METRNL: variants seen among roughly 807,000 people sequenced by gnomAD.
METRNL encodes meteorin-like protein.
In METRNL, 9 loss-of-function variants were observed where a neutral mutation model predicts 17.4. That is an observed-to-expected ratio of 0.52 (90% CI 0.31 to 0.90). The LOEUF is 0.90. Among genes scored for constraint, METRNL ranks in the 40% least tolerant of loss-of-function variants. METRNL has a pLI of 0.05. For missense variants in METRNL, 408 were observed against 430.7 expected (o/e 0.95, Z 0.47); for synonymous variants, 215 against 199.3 (o/e 1.08, Z -0.66).
chr17:83,092,346 C>G (rs1304837534), intron 2 of METRNL: 1 of 152,302 alleles, frequency 6.6e-6, no homozygotes, highest in Admixed American at 6.5e-5. Context: ...GAATCTTGGC[C>G]TCGCTGGCCC....
At position 83,079,946 on chromosome 17, in the gene METRNL, G is replaced by A; in HGVS notation, c.131G>A (p.Gly44Asp). 9.9e-7 allele frequency: 1 copy of A among 1,014,134 alleles called. No homozygotes were observed. The highest frequency in any genetic ancestry group is 1.2e-6 in the Non-Finnish European group (1 of 850,276). 62.8% of individuals were successfully genotyped at this position (1,014,134 alleles called of 1,614,324 possible). Residue 44 changes from glycine (G) to aspartate (D), a missense_variant, in exon 1 of 4, where the codon GGC (glycine) becomes GAC (aspartate). Physicochemically the swap from Gly to Asp is moderately conservative, Grantham distance 94. Coordinates refer to ENST00000320095, the MANE Select transcript of METRNL (RefSeq NM_001004431.3). ...LLLAGLLGGA[G>D]AQYSSDRCSW... ...CTGGCCGGGCTGCTGGGCGGCGCGG[G>A]CGCGCAGTACTCCAGCGACCGGTGC...
intron 2 of METRNL, among the ~76,000 whole-genome samples, chr17:83,087,179 G>T (rs1386389505): frequency 1.3e-5 from 2 of 152,288 alleles, no homozygotes; most frequent in South Asian, 4.1e-4. Context: ...GCTGGCTTGG[G>T]GTCCCAGAAC....
rs148169240 is a variant in METRNL, at chr17:83,088,713, C to A, written c.556+3390C>A. Among the ~76,000 whole-genome samples, 3 of 152,022 alleles carry A rather than the reference C, an allele frequency of 2.0e-5. No homozygotes were observed. In the East Asian group the frequency reaches 5.8e-4, roughly 30 times the overall value. ...GTCTCAGGGGCCTCAACGCCTCCCCCCTTTAAAATCCTGCCCCTGGCTGAG... is the reference window on the plus strand; with the variant it reads ...GTCTCAGGGGCCTCAACGCCTCCCCACTTTAAAATCCTGCCCCTGGCTGAG... On this transcript the variant is annotated intron_variant, in intron 2 of 3. Transcript: ENST00000320095.
chr17:83,093,044 C>T lies in METRNL; in HGVS notation c.557-123C>T. On this transcript the variant is annotated intron_variant, in intron 2 of 3. Coordinates refer to ENST00000320095, the MANE Select transcript of METRNL (RefSeq NM_001004431.3). ...TGAAGTGGCGTTGGTCACAAAGGTG[C>T]CTTGACGTGGACACCCTCCCTGACT... 4 of 741,614 alleles carry T rather than the reference C, an allele frequency of 5.4e-6. No individual in the cohort carries two copies. In the South Asian group the frequency reaches 6.4e-5, roughly 12 times the overall value. The allele number at this position is 741,614 out of a possible 1,614,324, so 45.9% of individuals were successfully genotyped here.
chr17:83,085,435 A>C, intron 2 of METRNL, 112 bp downstream of exon 2: 9 of 1,341,866 alleles, frequency 6.7e-6, no homozygotes, highest in South Asian at 3.1e-5. Context: ...CTTGGTGAAA[A>C]CCCTTCTGTG....
At chr17:83,086,929 G>A (rs573776499) in intron 2 of METRNL, among the ~76,000 whole-genome samples, 183 of 152,244 alleles carry the variant, frequency 1.2e-3, no homozygotes, top group African/African-American at 4.2e-3. Flanking sequence ...GGTGGGGTCC[G>A]AGGCCTACAG....
chr17:83,080,027 CG>C, intron 1 of METRNL, 42 bp downstream of exon 1: 1 of 1,000,918 alleles, frequency 1.0e-6, no homozygotes, highest in Non-Finnish European at 1.2e-6. Flanking sequence ...CCCCTCCCCT[CG>C]CGTCCCCTCC....
rs190971599 is a variant in METRNL at position 83,085,655 on chromosome 17, G to A, written c.556+332G>A. On this transcript the variant is annotated intron_variant, in intron 2 of 3. Coordinates refer to ENST00000320095, the MANE Select transcript of METRNL (RefSeq NM_001004431.3). ...GCCCATCTGGGTTAGTGTTTCGGGC[G>A]GCATGGCCTTGGCCGAGCGGGGCCT... is the stretch of plus-strand genomic sequence containing the variant. Among the ~76,000 whole-genome samples, 1,013 of 152,320 alleles carry A rather than the reference G, an allele frequency of 6.7e-3. 3 individuals carry two copies. The highest frequency in any genetic ancestry group is 0.01 in the Non-Finnish European group (698 of 68,022).
Position 83,079,831 on chromosome 17 carries a change from C to A in METRNL, c.16C>A (p.Arg6=). MRGAA[R]AAWGRAGQPW... ...GCGCCAGAGCATGCGGGGCGCGGCGCGGGCGGCCTGGGGGCGCGCGGGGCA... is the reference window on the plus strand; with the variant it reads ...GCGCCAGAGCATGCGGGGCGCGGCGAGGGCGGCCTGGGGGCGCGCGGGGCA... The change falls in exon 1 of 4, where the codon CGG becomes AGG. Residue 6 remains arginine (R), a synonymous_variant. Transcript: ENST00000320095. The A allele has an allele frequency of 1.0e-6, 1 of 973,632 alleles. No individual in the cohort carries two copies. The highest frequency in any genetic ancestry group is 1.2e-6 in the Non-Finnish European group (1 of 824,472). 60.3% of individuals were successfully genotyped at this position (973,632 alleles called of 1,614,324 possible). A position where few individuals can be genotyped will look rare whatever the true frequency, so the allele number is the denominator to read the frequency against.
rs533920741 is a variant in METRNL at position 83,082,074 on chromosome 17, T to C, written c.170+2089T>C. ...TTGCTGGGTGTTTCTTCTAAGCAGT[T>C]AAGTAGGAGATGATGAAACCTCCCT... On this transcript the variant is annotated intron_variant, in intron 1 of 3. Coordinates refer to ENST00000320095, the MANE Select transcript of METRNL (RefSeq NM_001004431.3). The C allele has an allele frequency of 6.1e-6, 6 of 985,324 alleles. No homozygotes were observed. In the South Asian group the frequency reaches 2.8e-4, roughly 46 times the overall value. 61.0% of individuals were successfully genotyped at this position (985,324 alleles called of 1,614,324 possible). A position where few individuals can be genotyped will look rare whatever the true frequency, so the allele number is the denominator to read the frequency against.
rs762398841 is a variant in METRNL, at chr17:83,084,987, C to T, written c.220C>T (p.Arg74Cys). The change falls in exon 2 of 4, where the codon CGC becomes TGC. Residue 74 changes from arginine (R) to cysteine (C), a missense_variant. Coordinates refer to ENST00000320095, the MANE Select transcript of METRNL (RefSeq NM_001004431.3). ...HRKEVEQVYL[R>C]CAAGAVEWMY... Reference sequence around the variant, plus strand: ...GAAGGAGGTGGAGCAGGTGTATCTGCGCTGTGCGGCGGGTGCCGTGGAGTG... The same window carrying T: ...GAAGGAGGTGGAGCAGGTGTATCTGTGCTGTGCGGCGGGTGCCGTGGAGTG... 6.2e-6 allele frequency: 10 copies of T among 1,613,806 alleles called. No individual in the cohort carries two copies. The highest frequency in any genetic ancestry group is 2.2e-5 in the East Asian group (1 of 44,888).
intron 2 of METRNL, among the ~76,000 whole-genome samples, chr17:83,088,150 C>T (rs1006559270): frequency 1.3e-5 from 2 of 152,196 alleles, no homozygotes; most frequent in East Asian, 1.9e-4. Flanking sequence ...TGGCTGACTA[C>T]GGGCAGGACC....
In METRNL at chr17:83,088,510, G is replaced by A. The variant is rs146443088; in HGVS notation, c.556+3187G>A. 2.3e-3 allele frequency among the ~76,000 whole-genome samples: 354 copies of A among 152,322 alleles called. 2 individuals carry two copies. Among genetic ancestry groups the A allele is most frequent in the Admixed American group, 5.8e-3 (89 of 15,296 alleles). On this transcript the variant is annotated intron_variant, in intron 2 of 3. Transcript: ENST00000320095. ...CTGGCTTGGCCACATCTGTGCTTGG[G>A]GTTTGGGGTGCAGGCTCTGTGTAAG...
At chr17:83,093,083 T>G in intron 2 of METRNL, 84 bp from the exon 3 acceptor site, 1 of 1,155,920 alleles carries the variant, frequency 8.7e-7, no homozygotes, top group Non-Finnish European at 1.3e-6. Flanking sequence ...CTTTGCTGAG[T>G]GTGAGGATCC....
chr17:83,094,634 G>A lies in METRNL; in HGVS notation c.*59G>A. 1 of 1,360,386 alleles carries A rather than the reference G, an allele frequency of 7.4e-7. No homozygotes were observed. Among genetic ancestry groups the A allele is most frequent in the East Asian group, 2.8e-5 (1 of 35,788 alleles). 84.3% of individuals were successfully genotyped at this position (1,360,386 alleles called of 1,614,324 possible). On this transcript the variant is annotated 3_prime_UTR_variant, in exon 4 of 4. Coordinates refer to ENST00000320095, the MANE Select transcript of METRNL (RefSeq NM_001004431.3). ...GTCACAGGCTGCGGTGGGCGCTGCGGTCCTGGTGGGGCCGTGCGGTGAGGG... is the reference window on the plus strand; with the variant it reads ...GTCACAGGCTGCGGTGGGCGCTGCGATCCTGGTGGGGCCGTGCGGTGAGGG...
At chr17:83,089,297 C>T (rs147489509) in intron 2 of METRNL, among the ~76,000 whole-genome samples, 3 of 152,128 alleles carry the variant, frequency 2.0e-5, no homozygotes, top group Non-Finnish European at 2.9e-5. Context: ...CTAAAAGCAG[C>T]GTGTCCCCCC....
chr17:83,091,449 G>A (rs2038135502), intron 2 of METRNL, among the ~76,000 whole-genome samples: 1 of 152,216 alleles, frequency 6.6e-6, no homozygotes, highest in Non-Finnish European at 1.5e-5. Flanking sequence ...CGCTTGCCCA[G>A]TGCACCGTAG....
intron 2 of METRNL, among the ~76,000 whole-genome samples, chr17:83,086,414 T>C (rs2038053484): frequency 6.6e-6 from 1 of 152,218 alleles, no homozygotes. Context: ...TCAGCTGTGC[T>C]GTGGTTGGTT....
At chr17:83,081,183 TG>T (rs543951733) in intron 1 of METRNL, among the ~76,000 whole-genome samples, 159 of 151,162 alleles carry the variant, frequency 1.1e-3, no homozygotes, top group African/African-American at 3.6e-3. Context: ...GATGGAGGTC[TG>T]GGGGGGGTCG....
Sources: gnomAD v4.1 joint callset for allele counts (sites outside exome capture counted in the v4.1 genomes callset) on GRCh38, gnomAD v4.1.1 for gene constraint, MANE v1.5 for transcripts, NCBI Gene and HGNC (gene_info 2026-07-23, HGNC 2026-07-21) for gene names.